The following ZNF548 variants were observed in gnomAD, a reference collection of about 807,000 sequenced individuals.
ZNF548 encodes the protein zinc finger protein 548.
Under a neutral mutation model 10.2 loss-of-function variants are expected in ZNF548, and 10 were observed. That is an observed-to-expected ratio of 0.98 (90% CI 0.60 to 1.66). The LOEUF (loss-of-function observed/expected upper bound fraction) is 1.66, where lower values mean the gene tolerates loss of function less well. Among genes scored for constraint, ZNF548 ranks in the 40% most tolerant of loss-of-function variants. The probability of loss-of-function intolerance (pLI) is 0.00; values close to 1 mark genes in which losing one functional copy is unlikely to be tolerated. For synonymous variants in ZNF548, 217 were observed against 223.5 expected (o/e 0.97, Z 0.26); for missense variants, 599 against 657.0 (o/e 0.91, Z 0.97).
intron 2 of ZNF548, 56 bp downstream of exon 2, chr19:57,394,279 G>C (rs2088649812): frequency 6.4e-7 from 1 of 1,558,742 alleles, no homozygotes; most frequent in African/African-American, 1.4e-5. Context: ...AGATGGTTTT[G>C]GCAGGTGACA....
intron 1 of ZNF548, chr19:57,392,997 C>T: frequency 7.1e-6 from 7 of 984,854 alleles, no homozygotes; most frequent in Non-Finnish European, 6.0e-6. Flanking sequence ...TGGTTTCGAT[C>T]CTGCACCTGC....
intron 1 of ZNF548, among the ~76,000 whole-genome samples, chr19:57,393,099 C>T (rs984456878): frequency 2.0e-5 from 3 of 152,132 alleles, no homozygotes; most frequent in African/African-American, 7.2e-5. Flanking sequence ...CAGAGCACTG[C>T]TTTTTCCCCT....
At chr19:57,396,139 G>A (rs1376997137) in intron 2 of ZNF548, among the ~76,000 whole-genome samples, 1 of 152,184 alleles carries the variant, frequency 6.6e-6, no homozygotes. Flanking sequence ...GTGGAGGTGT[G>A]AGAGATGGGA....
intron 1 of ZNF548, among the ~76,000 whole-genome samples, chr19:57,391,980 G>A (rs926249655): frequency 1.3e-5 from 2 of 152,016 alleles, no homozygotes; most frequent in Non-Finnish European, 1.5e-5. Flanking sequence ...TGTATTTTTA[G>A]TAGAGACGGG....
Position 57,401,785 on chromosome 19 carries a change from C to T in ZNF548, c.*1896C>T, listed in dbSNP as rs2088719382. ...GCAGAGTCTTGCTCTGTCACCCAGC[C>T]TGGAGTGCAGTAGTGGAATCTCAGC... On this transcript the variant is annotated 3_prime_UTR_variant, in exon 4 of 4. Transcript: ENST00000336128. The T allele has an allele frequency of 6.6e-6, 1 of 151,476 alleles. No individual in the cohort carries two copies. Among genetic ancestry groups the T allele is most frequent in the South Asian group, 2.1e-4 (1 of 4,804 alleles). 9.4% of individuals were successfully genotyped at this position (151,476 alleles called of 1,614,324 possible).
chr19:57,394,133 G>C, intron 1 of ZNF548, 55 bp from the exon 2 acceptor site: 1 of 1,574,816 alleles, frequency 6.3e-7, no homozygotes, highest in Middle Eastern at 1.7e-4. Flanking sequence ...GTCCATCTCA[G>C]CCTGAAGGAT....
intron 1 of ZNF548, chr19:57,390,375 C>G (rs1360314345): frequency 5.0e-6 from 2 of 400,930 alleles, no homozygotes; most frequent in African/African-American, 4.1e-5. Context: ...TTTGTGAATT[C>G]TCGCTTGGAA....
rs2088659699 is a variant in ZNF548 at position 57,395,656 on chromosome 19, T to C, written c.52-1392T>C. 1.3e-5 allele frequency among the ~76,000 whole-genome samples: 2 copies of C among 152,152 alleles called. No homozygotes were observed. Among genetic ancestry groups the C allele is most frequent in the Admixed American group, 6.5e-5 (1 of 15,284 alleles). ...TTATGAGAAAGGCAAGGGGAAAATATGCCCTCATGATCCAGTCACATCCCA... is the reference window on the plus strand; with the variant it reads ...TTATGAGAAAGGCAAGGGGAAAATACGCCCTCATGATCCAGTCACATCCCA... On this transcript the variant is annotated intron_variant, in intron 2 of 3. Coordinates refer to ENST00000336128, the MANE Select transcript of ZNF548 (RefSeq NM_001172773.2). The surrounding 1 kb of genome is among the most constrained non-coding windows in gnomAD (Gnocchi z 4.8).
At chr19:57,394,122 G>A in intron 1 of ZNF548, 66 bp from the exon 2 acceptor site, 3 of 1,523,654 alleles carry the variant, frequency 2.0e-6, no homozygotes, top group South Asian at 2.3e-5. Context: ...ACGAGGTGGT[G>A]GTCCATCTCA....
At position 57,401,145 on chromosome 19, in the gene ZNF548, G is replaced by A. The variant is rs2088713270; in HGVS notation, c.*1256G>A. On this transcript the variant is annotated 3_prime_UTR_variant, in exon 4 of 4. Coordinates refer to ENST00000336128, the MANE Select transcript of ZNF548 (RefSeq NM_001172773.2). ...TATGCTTTTTACATATTACCTCCCA[G>A]TCCATAGGTTGCTTTTTCGCTCTGT... 1.3e-5 allele frequency: 2 copies of A among 152,020 alleles called. No individual in the cohort carries two copies. Among genetic ancestry groups the A allele is most frequent in the African/African-American group, 4.8e-5 (2 of 41,366 alleles). The allele number at this position is 152,020 out of a possible 1,614,324, so 9.4% of individuals were successfully genotyped here. A position where few individuals can be genotyped will look rare whatever the true frequency, so the allele number is the denominator to read the frequency against.
Position 57,398,906 on chromosome 19 carries a change from A to T in ZNF548, c.655A>T (p.Thr219Ser), listed in dbSNP as rs758831296. 1 of 1,614,056 alleles carries T rather than the reference A, an allele frequency of 6.2e-7. No individual in the cohort carries two copies. The highest frequency in any genetic ancestry group is 1.1e-5 in the South Asian group (1 of 91,090). Residue 219 changes from threonine to serine, a missense_variant, in exon 4 of 4, where the codon ACC becomes TCC. Physicochemically the swap from Thr to Ser is moderately conservative, Grantham distance 58. Transcript: ENST00000336128. ...YKCSECGKTF[T>S]CSYSFVEHQK... ...ATGTAGTGAATGTGGGAAAACCTTC[A>T]CCTGCAGCTATTCATTTGTTGAGCA...
chr19:57,397,376 G>A, intron 3 of ZNF548: 1 of 772,294 alleles, frequency 1.3e-6, no homozygotes, highest in Non-Finnish European at 1.9e-6. Flanking sequence ...GCTGCTCTGA[G>A]GCTTACAAGA....
At position 57,398,959 on chromosome 19, in the gene ZNF548, T is replaced by G. The variant is rs775746078; in HGVS notation, c.708T>G (p.Ser236=). The change falls in exon 4 of 4, where the codon TCT becomes TCG. Residue 236 remains serine (S), a synonymous_variant. Coordinates refer to ENST00000336128, the MANE Select transcript of ZNF548 (RefSeq NM_001172773.2). ...EHQKIHTGER[S]YECNKCGKFF... is the part of the protein sequence containing the mutation. ...AGAAAATCCACACAGGAGAAAGGTC[T>G]TATGAATGTAACAAATGTGGGAAAT... 1 of 1,613,990 alleles carries G rather than the reference T, an allele frequency of 6.2e-7. No homozygotes were observed. The highest frequency in any genetic ancestry group is 1.3e-5 in the African/African-American group (1 of 74,926).
intron 1 of ZNF548, among the ~76,000 whole-genome samples, chr19:57,391,874 A>G (rs1399429517): frequency 7.0e-6 from 1 of 142,442 alleles, no homozygotes; most frequent in Non-Finnish European, 1.5e-5. Context: ...GCTCACTGCA[A>G]CCTCCACCTC....
chr19:57,396,810 G>C (rs1259442272), intron 2 of ZNF548: 1 of 465,964 alleles, frequency 2.1e-6, no homozygotes, highest in African/African-American at 2.0e-5. Flanking sequence ...CAGGACACCT[G>C]GGCTATTGGG....
intron 1 of ZNF548, 74 bp from the exon 2 acceptor site, chr19:57,394,114 G>A (rs1167639635): frequency 4.7e-6 from 7 of 1,502,754 alleles, no homozygotes; most frequent in Admixed American, 1.9e-5. Context: ...CAGGGCAGAC[G>A]AGGTGGTGGT....
chr19:57,393,957 C>T (rs2088646843), intron 1 of ZNF548: 1 of 611,404 alleles, frequency 1.6e-6, no homozygotes, highest in Non-Finnish European at 2.9e-6. Context: ...AATATGAGCC[C>T]TGTGAGGGGG....
chr19:57,402,932 A>G lies in ZNF548; in HGVS notation c.*3043A>G, dbSNP rs1895149923. On this transcript the variant is annotated 3_prime_UTR_variant, in exon 4 of 4. Coordinates refer to ENST00000336128, the MANE Select transcript of ZNF548 (RefSeq NM_001172773.2). ...TATTTAAAAATGTCATCTCTTTTCTACCAACTGGCAAAGAGCCATGGTGTG... is the reference window on the plus strand; with the variant it reads ...TATTTAAAAATGTCATCTCTTTTCTGCCAACTGGCAAAGAGCCATGGTGTG... 6.6e-6 allele frequency: 1 copy of G among 152,192 alleles called. No individual in the cohort carries two copies. The highest frequency in any genetic ancestry group is 2.4e-5 in the African/African-American group (1 of 41,438). 9.4% of individuals were successfully genotyped at this position (152,192 alleles called of 1,614,324 possible).
rs1367629206 is a variant in ZNF548 at position 57,389,968 on chromosome 19, A to G, written c.-132A>G. On this transcript the variant is annotated 5_prime_UTR_variant, in exon 1 of 4. Coordinates refer to ENST00000336128, the MANE Select transcript of ZNF548 (RefSeq NM_001172773.2). ...AAGTGACGGAACGGAAAAGCGCGAG[A>G]AGCGGCTCGGTTCCCACCACGGAGA... is the stretch of plus-strand genomic sequence containing the variant. 1.7e-6 allele frequency: 2 copies of G among 1,178,158 alleles called. No homozygotes were observed. Among genetic ancestry groups the G allele is most frequent in the Non-Finnish European group, 2.3e-6 (2 of 855,322 alleles). 73.0% of individuals were successfully genotyped at this position (1,178,158 alleles called of 1,614,324 possible).
Sources: gnomAD v4.1 joint callset for allele counts (sites outside exome capture counted in the v4.1 genomes callset) on GRCh38, gnomAD v4.1.1 for gene constraint, Gnocchi (gnomAD v3.1) non-coding constraint, MANE v1.5 for transcripts, NCBI Gene and HGNC (gene_info 2026-07-23, HGNC 2026-07-21) for gene names.